RBM47: variants seen among roughly 807,000 people sequenced by gnomAD.
RBM47 encodes the protein RNA binding motif protein 47, also known as RNA-binding protein 47.
Under a neutral mutation model 47.1 loss-of-function variants are expected in RBM47, and 21 were observed. That is an observed-to-expected ratio of 0.45 (90% CI 0.32 to 0.64). RBM47 has a LOEUF of 0.64. Ranked by LOEUF, RBM47 falls within the 30% of genes least tolerant of loss-of-function variation. The pLI is 0.05. For missense variants in RBM47, 708 were observed against 870.9 expected (o/e 0.81, Z 2.35); for synonymous variants, 375 against 361.7 (o/e 1.04, Z -0.42).
intron 3 of RBM47, among the ~76,000 whole-genome samples, chr4:40,441,943 C>T (rs1024424390): frequency 1.3e-5 from 2 of 152,150 alleles, no homozygotes; most frequent in Admixed American, 6.5e-5. Flanking sequence ...ACCATGTTAG[C>T]GACCCTGTTT....
intron 2 of RBM47, among the ~76,000 whole-genome samples, chr4:40,539,977 C>T (rs405223): frequency 1.1e-4 from 16 of 152,060 alleles, no homozygotes; most frequent in Non-Finnish European, 2.1e-4. Flanking sequence ...ATATCTACCT[C>T]TTAATTTATT....
intron 1 of RBM47, among the ~76,000 whole-genome samples, chr4:40,554,299 A>G (rs1729861603): frequency 6.6e-6 from 1 of 151,626 alleles, no homozygotes; most frequent in African/African-American, 2.4e-5. Flanking sequence ...TTGACAACAT[A>G]CCAGGCACAA....
At chr4:40,523,863 CA>C (rs34640118) in intron 2 of RBM47, among the ~76,000 whole-genome samples, 117 of 133,038 alleles carry the variant, frequency 8.8e-4, no homozygotes, top group Non-Finnish European at 9.7e-4. Flanking sequence ...AGCCCTGTCT[CA>C]AAAAAAAAAA....
rs138012744 is a variant in RBM47, at chr4:40,433,998, C to CGGG, written c.1331-1139_1331-1137dup. On this transcript the variant is annotated intron_variant, in intron 5 of 6. Coordinates refer to ENST00000295971, the MANE Select transcript of RBM47 (RefSeq NM_001098634.2). ...TTTGTGTGAGTGTGTGTGTGTGGGG[C>CGGG]GGGGGTGTGTGTGTGTGTGTGTGTG... is the stretch of plus-strand genomic sequence containing the variant. 2.4e-4 allele frequency among the ~76,000 whole-genome samples: 10 copies of CGGG among 42,076 alleles called. 1 individual carries two copies. Among genetic ancestry groups the CGGG allele is most frequent in the South Asian group, 1.1e-3 (1 of 942 alleles). The allele number at this position is 42,076 out of a possible 152,430, so 27.6% of individuals were successfully genotyped here.
chr4:40,523,085 C>T (rs1347402118), intron 2 of RBM47, among the ~76,000 whole-genome samples: 1 of 151,542 alleles, frequency 6.6e-6, no homozygotes, highest in East Asian at 2.0e-4. Context: ...TATGCCTCAG[C>T]CTCCCAAGTA....
chr4:40,573,758 A>G, intron 1 of RBM47, among the ~76,000 whole-genome samples: 1 of 149,910 alleles, frequency 6.7e-6, no homozygotes, highest in East Asian at 2.0e-4. Flanking sequence ...AGAAAGAAAG[A>G]GAGAGAGAGA....
intron 2 of RBM47, among the ~76,000 whole-genome samples, chr4:40,541,208 G>A (rs1462705013): frequency 2.0e-5 from 3 of 150,290 alleles, no homozygotes; most frequent in African/African-American, 7.4e-5. Flanking sequence ...CGAGGCTGCA[G>A]TGAGCCCTGA....
chr4:40,547,086 G>A (rs1729111097), intron 1 of RBM47, among the ~76,000 whole-genome samples: 1 of 152,160 alleles, frequency 6.6e-6, no homozygotes, highest in African/African-American at 2.4e-5. Context: ...TGAACAAACT[G>A]CTCTCTCTGC....
At position 40,437,757 on chromosome 4, in the gene RBM47, G is replaced by T. The variant is rs762170379; in HGVS notation, c.1123+14C>A. The T allele has an allele frequency of 5.7e-6, 9 of 1,586,366 alleles. No individual in the cohort carries two copies. The highest frequency in any genetic ancestry group is 7.8e-6 in the Non-Finnish European group (9 of 1,160,002). The stretch of plus-strand genomic sequence containing the variant: ...TTCTTGGGGGCCCCACCCAGGAGAA[G>T]AGCCCCCACTAACCTTTCACAAAGT... On this transcript the variant is annotated intron_variant, in intron 4 of 6. Transcript: ENST00000295971.
chr4:40,473,983 G>A (rs567034336), intron 2 of RBM47, among the ~76,000 whole-genome samples: 89 of 152,030 alleles, frequency 5.9e-4, no homozygotes, highest in Non-Finnish European at 1.0e-3. Flanking sequence ...TCCCCACTCC[G>A]TCTTTGTGCA....
chr4:40,425,695 G>T lies in RBM47; in HGVS notation c.*209C>A. 1 of 645,528 alleles carries T rather than the reference G, an allele frequency of 1.5e-6. No homozygotes were observed. Among genetic ancestry groups the T allele is most frequent in the Non-Finnish European group, 2.5e-6 (1 of 406,168 alleles). The allele number at this position is 645,528 out of a possible 1,614,324, so 40.0% of individuals were successfully genotyped here. ...AGGCACGAACCATTGCAAGTCTTTT[G>T]GAAATGTATGAACGTAGGCATGCTA... is the stretch of plus-strand genomic sequence containing the variant. On this transcript the variant is annotated 3_prime_UTR_variant, in exon 7 of 7. Transcript: ENST00000295971.
At chr4:40,442,294 C>A (rs1260268917) in intron 3 of RBM47, among the ~76,000 whole-genome samples, 1 of 152,092 alleles carries the variant, frequency 6.6e-6, no homozygotes, top group Non-Finnish European at 1.5e-5. Flanking sequence ...TATTGCATAC[C>A]AACAAGTGAG....
Position 40,563,225 on chromosome 4 carries a change from T to A in RBM47, c.-239-18719A>T, listed in dbSNP as rs563087629. Among the ~76,000 whole-genome samples, 3 of 152,300 alleles carry A rather than the reference T, an allele frequency of 2.0e-5. No homozygotes were observed. The East Asian group carries it at 5.8e-4, about 29-fold the overall frequency. ...AAATAAATAAATAAAATACCTTTTTTAAAAAGAGTATATTTTAGCATGGTT... is the reference window on the plus strand; with the variant it reads ...AAATAAATAAATAAAATACCTTTTTAAAAAAGAGTATATTTTAGCATGGTT... On this transcript the variant is annotated intron_variant, in intron 1 of 6. Transcript: ENST00000295971.
chr4:40,556,698 T>A (rs932346904), intron 1 of RBM47, among the ~76,000 whole-genome samples: 32 of 151,968 alleles, frequency 2.1e-4, no homozygotes, highest in African/African-American at 7.5e-4. Context: ...CAGACCAGCC[T>A]GGGCAATATG....
intron 1 of RBM47, among the ~76,000 whole-genome samples, chr4:40,572,009 C>T (rs968242694): frequency 4.9e-5 from 7 of 142,480 alleles, no homozygotes; most frequent in Admixed American, 2.9e-4. Flanking sequence ...GGCAACAGAG[C>T]GAGACTCCAT....
intron 2 of RBM47, among the ~76,000 whole-genome samples, chr4:40,491,385 G>A (rs1271211117): frequency 6.6e-6 from 1 of 152,040 alleles, no homozygotes; most frequent in Non-Finnish European, 1.5e-5. Flanking sequence ...GAAAACATGG[G>A]TATAAATCTT....
At chr4:40,505,213 G>A (rs575950644) in intron 2 of RBM47, among the ~76,000 whole-genome samples, 114 of 152,112 alleles carry the variant, frequency 7.5e-4, no homozygotes, top group Non-Finnish European at 1.2e-3. Context: ...AACAGGCTGG[G>A]CACTGTGGCT....
chr4:40,604,601 T>C (rs1012429939), intron 1 of RBM47, among the ~76,000 whole-genome samples: 11 of 152,100 alleles, frequency 7.2e-5, no homozygotes, highest in Non-Finnish European at 1.6e-4. Flanking sequence ...TACTCCAGCC[T>C]GGACAACAAA....
intron 1 of RBM47, among the ~76,000 whole-genome samples, chr4:40,592,971 A>G (rs1217404460): frequency 0.087 from 1,976 of 22,778 alleles, 50 homozygotes; most frequent in Admixed American, 0.11. Context: ...ATATATATAT[A>G]TATATATATT....
Sources: gnomAD v4.1 joint callset for allele counts (sites outside exome capture counted in the v4.1 genomes callset) on GRCh38, gnomAD v4.1.1 for gene constraint, MANE v1.5 for transcripts, NCBI Gene and HGNC (gene_info 2026-07-23, HGNC 2026-07-21) for gene names.